The following DNAH7 variants were observed in gnomAD, a reference collection of about 807,000 sequenced individuals.
The protein encoded by DNAH7 is axonemal beta dynein heavy chain 7.
Under a neutral mutation model 444.6 loss-of-function variants are expected in DNAH7, and 397 were observed. That is an observed-to-expected ratio of 0.89 (90% confidence interval 0.82 to 0.97). The LOEUF is 0.97. DNAH7 is among the 50% of genes least tolerant of loss of function. The pLI is 0.00. For missense variants in DNAH7, 4,902 were observed against 4,800.8 expected (o/e 1.02, Z -0.62); for synonymous variants, 1,636 against 1,624.4 (o/e 1.01, Z -0.17).
chr2:195,968,966 C>G (rs1426854380), intron 17 of DNAH7, among the ~76,000 whole-genome samples: 3 of 152,226 alleles, frequency 2.0e-5, no homozygotes, highest in Non-Finnish European at 4.4e-5. Flanking sequence ...CCGACGTGTA[C>G]AGATTCTCTC....
chr2:195,888,270 T>C lies in DNAH7; in HGVS notation c.5394A>G (p.Arg1798=), dbSNP rs1318505454. ...TCATTTCCCTTACCTTTGTATGCTT[T>C]CTAATAAATTCAACCGAAACAGGGA... ...RMVPVSVEFI[R]KHTKELSPTS... The change falls in exon 33 of 65, where the codon AGA becomes AGG. Residue 1798 remains arginine, a synonymous_variant. Coordinates refer to ENST00000312428, the MANE Select transcript of DNAH7 (RefSeq NM_018897.3). 2 of 1,609,126 alleles carry C rather than the reference T, an allele frequency of 1.2e-6. No individual in the cohort carries two copies.
intron 3 of DNAH7, among the ~76,000 whole-genome samples, chr2:196,048,944 T>C (rs1332473418): frequency 1.3e-5 from 2 of 152,180 alleles, no homozygotes; most frequent in Non-Finnish European, 2.9e-5. Flanking sequence ...GAAACAACAG[T>C]GTGTGGTGAG....
chr2:195,807,300 T>C (rs185589273), intron 53 of DNAH7, among the ~76,000 whole-genome samples: 2 of 152,016 alleles, frequency 1.3e-5, no homozygotes, highest in Non-Finnish European at 2.9e-5. Flanking sequence ...GGGATTACAG[T>C]GGTGCACCAC....
rs138737043 is a variant in DNAH7 at position 196,032,517 on chromosome 2, C to T, written c.399-4470G>A. Among the ~76,000 whole-genome samples the T allele has an allele frequency of 5.2e-3, 786 of 152,196 alleles. 16 individuals carry two copies. The highest frequency in any genetic ancestry group is 2.5e-3 in the Non-Finnish European group (169 of 67,998). On this transcript the variant is annotated intron_variant, in intron 5 of 64. Transcript: ENST00000312428. ...GGTTATCTGAACAGCTTTCTGCCAA[C>T]AAATTACATAAAAAGAATACGTTCC... is the stretch of plus-strand genomic sequence containing the variant.
rs748719673 is a variant in DNAH7 at position 195,910,108 on chromosome 2, C to G, written c.4023G>C (p.Leu1341Phe). 3.1e-6 allele frequency: 5 copies of G among 1,613,782 alleles called. No homozygotes were observed. Among genetic ancestry groups the G allele is most frequent in the South Asian group, 2.2e-5 (2 of 91,058 alleles). Residue 1341 changes from leucine (L) to phenylalanine (F), a missense_variant, in exon 25 of 65, where the codon TTG becomes TTC. Physicochemically the swap from Leu to Phe is conservative, Grantham distance 22 (BLOSUM62 0). Transcript: ENST00000312428. Reference sequence around the variant, plus strand: ...CACATTGTTTGGCTACAGCTTTTGCCAAATCCTTGGTAGTTTCAGTCTTCC... The same window carrying G: ...CACATTGTTTGGCTACAGCTTTTGCGAAATCCTTGGTAGTTTCAGTCTTCC... ...GTGKTETTKDLAKAVAKQCVV... is the reference protein window; with the variant it reads ...GTGKTETTKDFAKAVAKQCVV...
In DNAH7 at chr2:195,786,746, T is replaced by C. The variant is rs943537837; in HGVS notation, c.10878+264A>G. 1.3e-5 allele frequency among the ~76,000 whole-genome samples: 2 copies of C among 152,170 alleles called. No individual in the cohort carries two copies. Among genetic ancestry groups the C allele is most frequent in the African/African-American group, 4.8e-5 (2 of 41,424 alleles). On this transcript the variant is annotated intron_variant, in intron 58 of 64. Transcript: ENST00000312428. ...TTTCAAAATAAGTATAATATTATCA[T>C]TTTTTGGATCTCCCTAAGTGTTTGT...
intron 58 of DNAH7, among the ~76,000 whole-genome samples, chr2:195,778,635 AATAAATAAATAT>A (rs1261323792): frequency 4.2e-5 from 2 of 47,724 alleles, no homozygotes; most frequent in Admixed American, 4.7e-4. Context: ...AAAAAAAATA[AATAAATAAATAT>A]ATATATATAT....
At chr2:195,941,726 T>C (rs888916163) in intron 19 of DNAH7, among the ~76,000 whole-genome samples, 3 of 152,134 alleles carry the variant, frequency 2.0e-5, no homozygotes, top group South Asian at 2.1e-4. Flanking sequence ...ATTAAACCTT[T>C]TGCACTTCAA....
chr2:196,006,161 A>G (rs183988304), intron 10 of DNAH7, among the ~76,000 whole-genome samples: 4 of 152,206 alleles, frequency 2.6e-5, no homozygotes, highest in African/African-American at 9.6e-5. Flanking sequence ...AAAAATGAAC[A>G]AAATTAGCTG....
intron 58 of DNAH7, among the ~76,000 whole-genome samples, chr2:195,778,978 G>A (rs1485564240): frequency 6.6e-6 from 1 of 151,552 alleles, no homozygotes; most frequent in Non-Finnish European, 1.5e-5. Context: ...CGAGTAGCTG[G>A]GACTACAGGC....
intron 12 of DNAH7, among the ~76,000 whole-genome samples, chr2:195,999,972 A>G (rs1254967126): frequency 6.6e-6 from 1 of 152,188 alleles, no homozygotes; most frequent in African/African-American, 2.4e-5. Flanking sequence ...TAGAAGGTGG[A>G]GAGATAAGGA....
intron 17 of DNAH7, 135 bp downstream of exon 17, chr2:195,969,813 T>A: frequency 1.2e-6 from 1 of 862,632 alleles, no homozygotes; most frequent in South Asian, 2.1e-5. Flanking sequence ...AATCTATTTG[T>A]GTCATTCTAT....
chr2:195,904,638 T>C (rs1686905163), intron 27 of DNAH7: 1 of 152,124 alleles, frequency 6.6e-6, no homozygotes, highest in African/African-American at 2.4e-5. Flanking sequence ...TGAATTTCAA[T>C]AGAGAAGAAA....
chr2:195,799,243 CAAGTA>C (rs1696326538), intron 55 of DNAH7, 48 bp downstream of exon 55: 1 of 1,376,414 alleles, frequency 7.3e-7, no homozygotes, highest in African/African-American at 1.5e-5. Context: ...CAATTATAAG[CAAGTA>C]TTGCTTTTTT....
At chr2:195,749,628 T>C (rs1166653574) in intron 63 of DNAH7, among the ~76,000 whole-genome samples, 2 of 150,842 alleles carry the variant, frequency 1.3e-5, no homozygotes, top group Non-Finnish European at 3.0e-5. Flanking sequence ...GTGGCACATA[T>C]ACACCATGGA....
chr2:195,836,539 A>G (rs1034380519), intron 47 of DNAH7, among the ~76,000 whole-genome samples: 2 of 151,924 alleles, frequency 1.3e-5, no homozygotes, highest in African/African-American at 4.8e-5. Context: ...ATACGGTCAC[A>G]TGGGAGTCAT....
chr2:195,856,581 G>A (rs1257718645), intron 44 of DNAH7, among the ~76,000 whole-genome samples: 3 of 152,090 alleles, frequency 2.0e-5, no homozygotes, highest in Non-Finnish European at 4.4e-5. Flanking sequence ...GATTAAAATT[G>A]GATATGAGTT....
At chr2:195,773,057 A>G (rs1183211029) in intron 60 of DNAH7, among the ~76,000 whole-genome samples, 2 of 152,210 alleles carry the variant, frequency 1.3e-5, no homozygotes, top group African/African-American at 2.4e-5. Context: ...CTGGGATTAT[A>G]GGCATGAGCC....
At position 195,738,315 on chromosome 2, in the gene DNAH7, T is replaced by C. The variant is rs77570341; in HGVS notation, c.11869-188A>G. On this transcript the variant is annotated intron_variant, in intron 64 of 64. Transcript: ENST00000312428. ...ATAGAACTCTCATAACTGAAAAAAATAGTTTTCGCCTTCTCTTTCTAAAAG... is the reference window on the plus strand; with the variant it reads ...ATAGAACTCTCATAACTGAAAAAAACAGTTTTCGCCTTCTCTTTCTAAAAG... 3.4e-3 allele frequency among the ~76,000 whole-genome samples: 513 copies of C among 152,268 alleles called. 1 individual carries two copies. The highest frequency in any genetic ancestry group is 0.012 in the African/African-American group (497 of 41,540).
Sources: allele counts gnomAD v4.1 joint callset (sites outside exome capture counted in the v4.1 genomes callset), GRCh38; gene constraint gnomAD v4.1.1; transcripts MANE v1.5; gene names NCBI Gene and HGNC (gene_info 2026-07-23, HGNC 2026-07-21).